Variants in C1GALT1C1 observed in about 807,000 individuals in gnomAD.
The protein encoded by C1GALT1C1 is C1GALT1 specific chaperone 1.
For missense variants in C1GALT1C1, 176 were observed against 234.7 expected (o/e 0.75, Z 1.63); for synonymous variants, 77 against 77.9 (o/e 0.99, Z 0.06).
chrX:120,628,143 G>A (rs1279910858), intron 1 of C1GALT1C1, among the ~76,000 whole-genome samples: 1 of 111,458 alleles, frequency 9.0e-6, no homozygotes. Context: ...GGGAGGCTGA[G>A]GCACAAGAGT....
chrX:120,628,767 AT>A (rs777629643), intron 1 of C1GALT1C1, among the ~76,000 whole-genome samples: 3 of 111,840 alleles, frequency 2.7e-5, no homozygotes, highest in Non-Finnish European at 5.6e-5. Flanking sequence ...AGGAAATGGA[AT>A]TTTGACTTCT....
At chrX:120,628,060 G>A (rs1367605506) in intron 1 of C1GALT1C1, among the ~76,000 whole-genome samples, 1 of 110,814 alleles carries the variant, frequency 9.0e-6, no homozygotes, top group Non-Finnish European at 1.9e-5. Flanking sequence ...GCAACATGGT[G>A]AAACCTTGTC....
At chrX:120,628,833 TG>T (rs1927259676) in intron 1 of C1GALT1C1, among the ~76,000 whole-genome samples, 1 of 111,088 alleles carries the variant, frequency 9.0e-6, no homozygotes, top group African/African-American at 3.3e-5. Flanking sequence ...GAGCGGTGGG[TG>T]GGGCAAGAGG....
At chrX:120,628,462 C>T (rs1410970273) in intron 1 of C1GALT1C1, among the ~76,000 whole-genome samples, 2 of 111,679 alleles carry the variant, frequency 1.8e-5, no homozygotes, top group East Asian at 5.6e-4. Context: ...TCTCATTTTA[C>T]AGAGAGGAAA....
At chrX:120,629,361 CAT>C (rs1241280306) in intron 1 of C1GALT1C1, among the ~76,000 whole-genome samples, 3 of 112,273 alleles carry the variant, frequency 2.7e-5, no homozygotes, top group South Asian at 7.3e-4. Flanking sequence ...ACATAATTCA[CAT>C]GTTTCTTTGC....
At chrX:120,629,240 A>AAAAG (rs771887702) in intron 1 of C1GALT1C1, among the ~76,000 whole-genome samples, 4 of 110,573 alleles carry the variant, frequency 3.6e-5, no homozygotes, top group East Asian at 5.6e-4. Context: ...TCAAAAAAAA[A>AAAAG]AAAGAAAGAA....
Position 120,627,062 on chromosome X carries a change from T to G in C1GALT1C1, c.105A>C (p.Arg35Ser), listed in dbSNP as rs754158304. 6.6e-6 allele frequency: 8 copies of G among 1,210,990 alleles called. No homozygotes were observed. The highest frequency in any genetic ancestry group is 7.8e-6 in the Non-Finnish European group (7 of 895,048). ...GGTGATGATGCTCATGGTGGTGCAT[T>G]CTATTTCCATGACCAATCCTAATGT... is the stretch of plus-strand genomic sequence containing the variant. ...LGHIRIGHGNRMHHHEHHHLQ... is the reference protein window; with the variant it reads ...LGHIRIGHGNSMHHHEHHHLQ... Residue 35 changes from arginine (R) to serine (S), a missense_variant, in exon 2 of 2, where the codon AGA (arginine) becomes AGC (serine). Transcript: ENST00000304661.
In C1GALT1C1 at chrX:120,626,690, T is replaced by C; in HGVS notation, c.477A>G (p.Leu159=). The change falls in exon 2 of 2, where the codon TTA becomes TTG. Residue 159 remains leucine (L), a synonymous_variant. Transcript: ENST00000304661. ...AIIENLKYFL[L]KKDPSQPFYL... ...AGAAAGGCTGTGATGGATCCTTTTT[T>C]AACAAAAAATACTTTAGGTTTTCAA... 1.7e-6 allele frequency: 2 copies of C among 1,210,769 alleles called. No homozygotes were observed. The highest frequency in any genetic ancestry group is 2.2e-6 in the Non-Finnish European group (2 of 895,054).
At position 120,627,113 on chromosome X, in the gene C1GALT1C1, G is replaced by T; in HGVS notation, c.54C>A (p.Phe18Leu). The change falls in exon 2 of 2, where the codon TTC (phenylalanine) becomes TTA (leucine). Residue 18 changes from phenylalanine (F) to leucine (L), a missense_variant. Coordinates refer to ENST00000304661, the MANE Select transcript of C1GALT1C1 (RefSeq NM_001011551.3). The part of the protein sequence containing the change: ...FLKGVMLGSI[F>L]CALITMLGHI... ...GTCCTAGCATAGTGATCAAAGCACA[G>T]AAAATGCTTCCAAGCATCACACCCT... is the stretch of plus-strand genomic sequence containing the variant. The T allele has an allele frequency of 3.4e-6, 4 of 1,179,776 alleles. No homozygotes were observed. The highest frequency in any genetic ancestry group is 1.8e-5 in the African/African-American group (1 of 56,938).
At chrX:120,629,541 G>A (rs758040742) in intron 1 of C1GALT1C1, among the ~76,000 whole-genome samples, 10 of 104,571 alleles carry the variant, frequency 9.6e-5, no homozygotes, top group Middle Eastern at 4.8e-3. Context: ...ATAACACTAG[G>A]GATGCATATG....
At chrX:120,628,998 A>C (rs1927264630) in intron 1 of C1GALT1C1, among the ~76,000 whole-genome samples, 1 of 111,673 alleles carries the variant, frequency 9.0e-6, no homozygotes, top group African/African-American at 3.3e-5. Context: ...AGGCCGAGGC[A>C]GGTGGATCAC....
At chrX:120,627,995 T>C (rs1180493770) in intron 1 of C1GALT1C1, among the ~76,000 whole-genome samples, 3 of 111,699 alleles carry the variant, frequency 2.7e-5, no homozygotes, top group Non-Finnish European at 5.6e-5. Flanking sequence ...TCTCAGCACT[T>C]TGGGAGGCTG....
chrX:120,626,090 G>A lies in C1GALT1C1; in HGVS notation c.*120C>T. On this transcript the variant is annotated 3_prime_UTR_variant, in exon 2 of 2. Transcript: ENST00000304661. Reference sequence around the variant, plus strand: ...CTGACTTTAATGTGTGGTTATACCAGTGCCACCAAATTAGAAAAGAAAAAG... The same window carrying A: ...CTGACTTTAATGTGTGGTTATACCAATGCCACCAAATTAGAAAAGAAAAAG... 5.9e-6 allele frequency: 4 copies of A among 683,412 alleles called. No individual in the cohort carries two copies. The highest frequency in any genetic ancestry group is 8.7e-6 in the Non-Finnish European group (4 of 459,164). 56.3% of individuals were successfully genotyped at this position (683,412 alleles called of 1,213,427 possible).
At chrX:120,627,907 G>C (rs1167397852) in intron 1 of C1GALT1C1, among the ~76,000 whole-genome samples, 2 of 111,539 alleles carry the variant, frequency 1.8e-5, no homozygotes, top group Admixed American at 9.6e-5. Flanking sequence ...TTCTTCTTTG[G>C]GGAAGTAAAA....
In C1GALT1C1 at chrX:120,626,379, G is replaced by A. The variant is rs758689561; in HGVS notation, c.788C>T (p.Pro263Leu). 5.0e-6 allele frequency: 6 copies of A among 1,212,115 alleles called. No homozygotes were observed. Among genetic ancestry groups the A allele is most frequent in the Middle Eastern group, 2.3e-4 (1 of 4,352 alleles). ...LSIKEAMTYH[P>L]NQVVEGCCSD... ...ACAACAGCCTTCTACTACCTGGTTG[G>A]GGTGATAAGTCATTGCCTCTTTAAT... Residue 263 changes from proline to leucine, a missense_variant, in exon 2 of 2, where the codon CCC becomes CTC. Coordinates refer to ENST00000304661, the MANE Select transcript of C1GALT1C1 (RefSeq NM_001011551.3).
rs143511599 is a variant in C1GALT1C1, at chrX:120,626,727, G to A, written c.440C>T (p.Thr147Met). ...CTTTAGGTTTTCAATGATAGCAAAC[G>A]TAGTGGGGCGTGCAAGGAAGAACCA... is the stretch of plus-strand genomic sequence containing the variant. ...YNWFFLARPTTFAIIENLKYF... is the reference protein window; with the variant it reads ...YNWFFLARPTMFAIIENLKYF... Residue 147 changes from threonine to methionine, a missense_variant, in exon 2 of 2, where the codon ACG becomes ATG. Thr to Met is a moderately conservative substitution (Grantham distance 81, BLOSUM62 -1). Transcript: ENST00000304661. 1.1e-4 allele frequency: 129 copies of A among 1,209,956 alleles called. No individual in the cohort carries two copies. The highest frequency in any genetic ancestry group is 6.6e-5 in the Admixed American group (3 of 45,665).
In C1GALT1C1 at chrX:120,626,687, T is replaced by G; in HGVS notation, c.480A>C (p.Lys160Asn). Reference sequence around the variant, plus strand: ...GATAGAAAGGCTGTGATGGATCCTTTTTTAACAAAAAATACTTTAGGTTTT... The same window carrying G: ...GATAGAAAGGCTGTGATGGATCCTTGTTTAACAAAAAATACTTTAGGTTTT... ...IIENLKYFLL[K>N]KDPSQPFYLG... The change falls in exon 2 of 2, where the codon AAA becomes AAC. Residue 160 changes from lysine to asparagine, a missense_variant. Physicochemically the swap from Lys to Asn is moderately conservative, Grantham distance 94. Transcript: ENST00000304661. The G allele has an allele frequency of 8.3e-7, 1 of 1,210,962 alleles. No individual in the cohort carries two copies. Among genetic ancestry groups the G allele is most frequent in the Non-Finnish European group, 1.1e-6 (1 of 895,162 alleles).
chrX:120,627,607 A>G (rs1927221661), intron 1 of C1GALT1C1, among the ~76,000 whole-genome samples: 1 of 112,544 alleles, frequency 8.9e-6, no homozygotes, highest in African/African-American at 3.2e-5. Flanking sequence ...CAAATCACCA[A>G]TGGTATTGTG....
At chrX:120,629,235 A>G (rs905610256) in intron 1 of C1GALT1C1, among the ~76,000 whole-genome samples, 4 of 110,234 alleles carry the variant, frequency 3.6e-5, no homozygotes, top group Non-Finnish European at 7.6e-5. Flanking sequence ...CTGTTTCAAA[A>G]AAAAAAAAGA....
Sources: allele counts gnomAD v4.1 joint callset (sites outside exome capture counted in the v4.1 genomes callset), GRCh38; gene constraint gnomAD v4.1.1; transcripts MANE v1.5; gene names NCBI Gene and HGNC (gene_info 2026-07-23, HGNC 2026-07-21).